The following ACTR3C variants were observed in gnomAD, a reference collection of about 807,000 sequenced individuals.
ACTR3C encodes actin-related protein 3C.
A neutral mutation model predicts 26.3 loss-of-function variants in ACTR3C; 18 were observed. The ratio of observed to expected loss-of-function variants is 0.68; its 90% CI spans 0.47 to 1.01. The LOEUF (loss-of-function observed/expected upper bound fraction) is 1.01, where lower values mean the gene tolerates loss of function less well. Among genes scored for constraint, ACTR3C ranks in the 50% least tolerant of loss-of-function variants. ACTR3C has a pLI of 0.00. For missense variants in ACTR3C, 184 were observed against 250.7 expected (o/e 0.73, Z 1.80); for synonymous variants, 55 against 94.5 (o/e 0.58, Z 2.42).
chr7:150,258,462 G>A (rs908379429), intron 6 of ACTR3C, among the ~76,000 whole-genome samples: 10 of 151,670 alleles, frequency 6.6e-5, no homozygotes, highest in Non-Finnish European at 1.3e-4. Flanking sequence ...AGAGGGCTAT[G>A]AGAGTTAGGC....
the ACTR3C span, among the ~76,000 whole-genome samples, chr7:150,198,712 G>C: frequency 6.8e-6 from 1 of 146,056 alleles, no homozygotes; most frequent in Non-Finnish European, 1.5e-5. Context: ...GGGAAGTGAG[G>C]AGCGTCTCCG....
chr7:149,946,075 G>A, the ACTR3C span, among the ~76,000 whole-genome samples: 1 of 152,182 alleles, frequency 6.6e-6, no homozygotes. Flanking sequence ...CTCCCAACTT[G>A]AATCACCAGG....
chr7:150,035,554 G>T, the ACTR3C span, among the ~76,000 whole-genome samples: 155 of 122,574 alleles, frequency 1.3e-3, 4 homozygotes, highest in Middle Eastern at 8.3e-3. Context: ...TGCGATGGGG[G>T]TCCGCAGAGC....
the ACTR3C span, among the ~76,000 whole-genome samples, chr7:149,908,785 C>T: frequency 1.4e-5 from 2 of 145,826 alleles, no homozygotes; most frequent in Admixed American, 6.8e-5. Context: ...GGAATCCTAT[C>T]TTTTTTTTTT....
At chr7:149,927,186 C>A in the ACTR3C span, among the ~76,000 whole-genome samples, 1 of 151,972 alleles carries the variant, frequency 6.6e-6, no homozygotes. Flanking sequence ...AGCCTTCTTA[C>A]ATCTCAAGGT....
the ACTR3C span, among the ~76,000 whole-genome samples, chr7:149,921,014 C>A: frequency 6.6e-6 from 1 of 152,038 alleles, no homozygotes; most frequent in Non-Finnish European, 1.5e-5. Flanking sequence ...CCTCGGCTTC[C>A]CAAAGTGCTG....
chr7:150,257,874 T>C (rs1412507691), intron 6 of ACTR3C, among the ~76,000 whole-genome samples: 2 of 151,916 alleles, frequency 1.3e-5, no homozygotes, highest in African/African-American at 4.8e-5. Context: ...ATAAGTTTGG[T>C]GGTGGCTCTT....
At chr7:149,922,970 C>CTTTTTTTTTTTTTTT in the ACTR3C span, among the ~76,000 whole-genome samples, 156 of 69,152 alleles carry the variant, frequency 2.3e-3, 26 homozygotes, top group East Asian at 9.9e-3. Context: ...AAATAAAAGG[C>CTTTTTTTTTTTTTTT]TTTTTTTTTT....
At chr7:150,238,666 G>GTTA in the ACTR3C span, among the ~76,000 whole-genome samples, 1 of 146,766 alleles carries the variant, frequency 6.8e-6, no homozygotes, top group African/African-American at 2.7e-5. Flanking sequence ...GTCATGGATT[G>GTTA]TTATGACATT....
At chr7:150,288,517 G>A (rs1835959608) in intron 4 of ACTR3C, among the ~76,000 whole-genome samples, 1 of 141,448 alleles carries the variant, frequency 7.1e-6, no homozygotes, top group African/African-American at 2.8e-5. Flanking sequence ...CAAAGCCCTA[G>A]GATTATAGAT....
At chr7:150,177,940 G>T in the ACTR3C span, among the ~76,000 whole-genome samples, 20 of 150,180 alleles carry the variant, frequency 1.3e-4, 1 homozygote, top group African/African-American at 3.8e-4. Context: ...TTTATTATCC[G>T]TAAATTTTAT....
At chr7:150,161,221 T>C in the ACTR3C span, among the ~76,000 whole-genome samples, 37,360 of 125,620 alleles carry the variant, frequency 0.3, 7,337 homozygotes, top group East Asian at 0.6. Flanking sequence ...TATATATATA[T>C]ATATTTATTA....
At chr7:150,068,544 G>A in the ACTR3C span, among the ~76,000 whole-genome samples, 12 of 151,878 alleles carry the variant, frequency 7.9e-5, no homozygotes, top group South Asian at 2.1e-4. Context: ...GGAGGCTGAC[G>A]CGGGAGGATC....
the ACTR3C span, among the ~76,000 whole-genome samples, chr7:150,175,836 G>GA: frequency 1.5e-5 from 2 of 131,696 alleles, no homozygotes; most frequent in African/African-American, 6.4e-5. Context: ...AAAAAAAAAA[G>GA]AAAGAAAGGA....
chr7:149,913,607 C>T, the ACTR3C span, among the ~76,000 whole-genome samples: 33 of 151,764 alleles, frequency 2.2e-4, 1 homozygote, highest in Admixed American at 1.8e-3. Context: ...TCCCAGGGGC[C>T]GTGCGCGATT....
At chr7:149,905,599 A>G in the ACTR3C span, among the ~76,000 whole-genome samples, 1 of 151,112 alleles carries the variant, frequency 6.6e-6, no homozygotes, top group Non-Finnish European at 1.5e-5. Context: ...GTATCTGCGA[A>G]AAATTCATAT....
the ACTR3C span, among the ~76,000 whole-genome samples, chr7:149,958,828 A>T: frequency 1.3e-5 from 2 of 152,242 alleles, no homozygotes. Flanking sequence ...CTGGGAGCAG[A>T]AGCCAAGTTG....
the ACTR3C span, among the ~76,000 whole-genome samples, chr7:150,184,143 C>T: frequency 6.6e-6 from 1 of 150,784 alleles, no homozygotes; most frequent in South Asian, 2.1e-4. Context: ...TGTCTGTGGA[C>T]ATGTCTAATA....
chr7:150,261,089 T>C (rs1398124526), intron 6 of ACTR3C, among the ~76,000 whole-genome samples: 1 of 152,252 alleles, frequency 6.6e-6, no homozygotes, highest in Non-Finnish European at 1.5e-5. Flanking sequence ...GTATTTAATG[T>C]GGTGGATATA....
Sources: allele counts gnomAD v4.1 joint callset (sites outside exome capture counted in the v4.1 genomes callset), GRCh38; gene constraint gnomAD v4.1.1; transcripts MANE v1.5; gene names NCBI Gene and HGNC (gene_info 2026-07-23, HGNC 2026-07-21).